Variants in MACROD2 observed in about 807,000 individuals in gnomAD.
MACROD2 encodes ADP-ribose glycohydrolase MACROD2.
Under a neutral mutation model 70.4 loss-of-function variants are expected in MACROD2, and 36 were observed. That is an observed-to-expected ratio of 0.51 (90% CI 0.39 to 0.68). The LOEUF is 0.68. Ranked by LOEUF, MACROD2 falls within the 30% of genes least tolerant of loss-of-function variation. The pLI, the probability that MACROD2 is intolerant of heterozygous loss-of-function variation, is 0.00. For missense variants in MACROD2, 496 were observed against 538.4 expected (o/e 0.92, Z 0.78); for synonymous variants, 172 against 178.8 (o/e 0.96, Z 0.30).
At chr20:15,699,670 A>G (rs1166677830) in intron 8 of MACROD2, among the ~76,000 whole-genome samples, 1 of 152,130 alleles carries the variant, frequency 6.6e-6, no homozygotes, top group Non-Finnish European at 1.5e-5. Flanking sequence ...GCCCAAGGCC[A>G]TCCACCTCCC....
intron 3 of MACROD2, among the ~76,000 whole-genome samples, chr20:14,145,281 G>A (rs1012504314): frequency 6.6e-6 from 1 of 151,906 alleles, no homozygotes; most frequent in African/African-American, 2.4e-5. Flanking sequence ...GTTCTAAACC[G>A]CCCCACCTCT....
chr20:14,833,529 C>G (rs1163771115), intron 5 of MACROD2, among the ~76,000 whole-genome samples: 1 of 152,066 alleles, frequency 6.6e-6, no homozygotes, highest in Non-Finnish European at 1.5e-5. Context: ...TATCAAAGTT[C>G]ACATCATAAG....
chr20:15,183,277 A>T (rs373701187), intron 5 of MACROD2, among the ~76,000 whole-genome samples: 1 of 152,100 alleles, frequency 6.6e-6, no homozygotes, highest in African/African-American at 2.4e-5. Context: ...GCTCACTCCT[A>T]TAATCCTAGA....
At chr20:15,941,976 A>C (rs929626057) in intron 12 of MACROD2, among the ~76,000 whole-genome samples, 9 of 152,180 alleles carry the variant, frequency 5.9e-5, no homozygotes, top group African/African-American at 2.2e-4. Context: ...GAAAACAAAC[A>C]AATAAAAAAT....
intron 15 of MACROD2, among the ~76,000 whole-genome samples, chr20:16,032,900 G>A (rs2067174268): frequency 6.6e-6 from 1 of 151,912 alleles, no homozygotes; most frequent in African/African-American, 2.4e-5. Context: ...GAAGACTCTG[G>A]ACACCCTATC....
intron 5 of MACROD2, among the ~76,000 whole-genome samples, chr20:14,939,069 G>T (rs1416202479): frequency 6.6e-6 from 1 of 151,230 alleles, no homozygotes; most frequent in Non-Finnish European, 1.5e-5. Context: ...TTCTCTTTGG[G>T]GTTGTTTCCT....
chr20:14,453,407 TTCCTGCTTA>T (rs1378577481), intron 3 of MACROD2, among the ~76,000 whole-genome samples: 1 of 152,138 alleles, frequency 6.6e-6, no homozygotes, highest in Non-Finnish European at 1.5e-5. Flanking sequence ...AGTGCTTTTT[TTCCTGCTTA>T]CCTTGCATGT....
At chr20:14,231,434 C>T (rs1480652249) in intron 3 of MACROD2, among the ~76,000 whole-genome samples, 1 of 152,054 alleles carries the variant, frequency 6.6e-6, no homozygotes, top group African/African-American at 2.4e-5. Context: ...ATGATGGTTT[C>T]CAGCTTCATC....
chr20:14,763,277 A>C (rs2072041304), intron 5 of MACROD2, among the ~76,000 whole-genome samples: 1 of 152,152 alleles, frequency 6.6e-6, no homozygotes, highest in Non-Finnish European at 1.5e-5. Flanking sequence ...TATGCAAAAA[A>C]ACTTGTCGCT....
At position 15,543,645 on chromosome 20, in the gene MACROD2, A is replaced by G. The variant is rs191303704; in HGVS notation, c.645+43798A>G. 2.1e-4 allele frequency among the ~76,000 whole-genome samples: 32 copies of G among 152,312 alleles called. No homozygotes were observed. In the East Asian group the frequency reaches 6.2e-3, roughly 29 times the overall value. On this transcript the variant is annotated intron_variant, in intron 8 of 17. Transcript: ENST00000684519. ...GTTTTCCATTGTTACAATTTCAAGC[A>G]GTGGCTTAAAACAGTAAGCACTTGC...
intron 5 of MACROD2, among the ~76,000 whole-genome samples, chr20:14,845,325 T>A (rs2073128804): frequency 6.6e-6 from 1 of 152,104 alleles, no homozygotes; most frequent in South Asian, 2.1e-4. Context: ...GAGAGGATTA[T>A]ATGGCTGAAC....
intron 8 of MACROD2, among the ~76,000 whole-genome samples, chr20:15,614,204 A>C (rs933552060): frequency 2.0e-5 from 3 of 151,996 alleles, no homozygotes; most frequent in African/African-American, 7.3e-5. Flanking sequence ...CGTCATGCCA[A>C]ACAAATAGGA....
At chr20:15,778,275 T>C (rs888494950) in intron 8 of MACROD2, among the ~76,000 whole-genome samples, 1 of 152,130 alleles carries the variant, frequency 6.6e-6, no homozygotes, top group African/African-American at 2.4e-5. Context: ...ACCATTTTTT[T>C]CCCAGGTTGG....
intron 9 of MACROD2, among the ~76,000 whole-genome samples, chr20:15,867,764 C>T (rs1211481114): frequency 3.3e-5 from 5 of 151,948 alleles, no homozygotes; most frequent in Non-Finnish European, 7.4e-5. Context: ...CCCGTAATAA[C>T]AATAAAGAAC....
chr20:14,749,175 C>A (rs1469248813), intron 5 of MACROD2, among the ~76,000 whole-genome samples: 1 of 151,972 alleles, frequency 6.6e-6, no homozygotes, highest in African/African-American at 2.4e-5. Context: ...TGCCGTATAA[C>A]CCATGCCATT....
At chr20:14,233,230 C>G (rs1324604759) in intron 3 of MACROD2, among the ~76,000 whole-genome samples, 1 of 152,076 alleles carries the variant, frequency 6.6e-6, no homozygotes, top group African/African-American at 2.4e-5. Context: ...ATCACCAAAA[C>G]CTGACACAGA....
At chr20:14,238,913 G>A (rs912299893) in intron 3 of MACROD2, among the ~76,000 whole-genome samples, 1 of 151,556 alleles carries the variant, frequency 6.6e-6, no homozygotes, top group Non-Finnish European at 1.5e-5. Flanking sequence ...TGTAGTCCCA[G>A]CTACTTGAGA....
At chr20:15,664,111 A>G (rs1444317025) in intron 8 of MACROD2, among the ~76,000 whole-genome samples, 3 of 152,226 alleles carry the variant, frequency 2.0e-5, no homozygotes, top group African/African-American at 7.2e-5. Context: ...CTCTGGGACT[A>G]AATTAAAGAA....
At chr20:15,923,941 G>C (rs968285579) in intron 10 of MACROD2, among the ~76,000 whole-genome samples, 1 of 152,204 alleles carries the variant, frequency 6.6e-6, no homozygotes, top group Admixed American at 6.5e-5. Flanking sequence ...TTTTTAAAGA[G>C]AGATTAAATA....
Sources: allele counts gnomAD v4.1 joint callset (sites outside exome capture counted in the v4.1 genomes callset), GRCh38; gene constraint gnomAD v4.1.1; transcripts MANE v1.5; gene names NCBI Gene and HGNC (gene_info 2026-07-23, HGNC 2026-07-21).